Variants in XKR9 observed in about 807,000 individuals in gnomAD.
XKR9 encodes XK-related protein 9.
A neutral mutation model predicts 32.0 loss-of-function variants in XKR9; 32 were observed. The observed-to-expected ratio is 1.00, with a 90% CI of 0.76 to 1.34. The LOEUF (loss-of-function observed/expected upper bound fraction) is 1.34. Ranked by LOEUF, XKR9 falls within the 40% of genes most tolerant of loss-of-function variation. The pLI, the probability that XKR9 is intolerant of heterozygous loss-of-function variation, is 0.00. For synonymous variants in XKR9, 168 were observed against 143.4 expected, an observed-to-expected ratio of 1.17 and a Z score of -1.22; for missense variants, 546 against 429.7, an observed-to-expected ratio of 1.27 and a Z score of -2.39.
At chr8:70,825,435 C>A in the XKR9 span, among the ~76,000 whole-genome samples, 3 of 152,058 alleles carry the variant, frequency 2.0e-5, no homozygotes, top group Non-Finnish European at 2.9e-5. Flanking sequence ...ACATACAGTT[C>A]TCTGACAGAA....
Position 70,697,388 on chromosome 8 carries a change from C to G in XKR9, c.273-9545C>G, listed in dbSNP as rs1444909571. On this transcript the variant is annotated intron_variant, in intron 3 of 4. Transcript: ENST00000408926. ...TACCTAATTTATTGAGAGTTTTTAG[C>G]ATGAAGCGTTGTTGAATTTTGTCAA... 4.9e-4 allele frequency among the ~76,000 whole-genome samples: 73 copies of G among 150,474 alleles called. No individual in the cohort carries two copies. In the South Asian group the frequency reaches 0.015, roughly 32 times the overall value.
chr8:70,702,440 A>G (rs1173027286), intron 3 of XKR9, among the ~76,000 whole-genome samples: 1 of 152,144 alleles, frequency 6.6e-6, no homozygotes, highest in Non-Finnish European at 1.5e-5. Context: ...CAGTTAGGTC[A>G]ATTAGGCAGA....
the XKR9 span, among the ~76,000 whole-genome samples, chr8:70,854,769 T>G: frequency 6.6e-6 from 1 of 152,238 alleles, no homozygotes; most frequent in East Asian, 1.9e-4. Flanking sequence ...GCACCATTTA[T>G]TAAATAGGAA....
At chr8:70,904,598 T>C in the XKR9 span, among the ~76,000 whole-genome samples, 3 of 152,232 alleles carry the variant, frequency 2.0e-5, no homozygotes, top group Admixed American at 6.5e-5. Flanking sequence ...TGTTTTTTAA[T>C]TGGAGCATTT....
the XKR9 span, among the ~76,000 whole-genome samples, chr8:70,948,583 C>G: frequency 2.0e-5 from 3 of 152,146 alleles, no homozygotes; most frequent in African/African-American, 7.2e-5. Context: ...GTCATTCTCT[C>G]TGGTCTATAC....
the XKR9 span, among the ~76,000 whole-genome samples, chr8:70,919,697 T>C: frequency 6.6e-6 from 1 of 152,194 alleles, no homozygotes; most frequent in East Asian, 1.9e-4. Context: ...TATGATTCTT[T>C]GATGACTGGC....
chr8:70,795,586 T>C, the XKR9 span, among the ~76,000 whole-genome samples: 1 of 152,208 alleles, frequency 6.6e-6, no homozygotes, highest in Non-Finnish European at 1.5e-5. Flanking sequence ...TGAACTAATT[T>C]ATACTCCCAC....
chr8:70,978,976 T>G, the XKR9 span, among the ~76,000 whole-genome samples: 1 of 152,222 alleles, frequency 6.6e-6, no homozygotes, highest in Non-Finnish European at 1.5e-5. Flanking sequence ...TCACTTCATT[T>G]CATTAATTTG....
chr8:70,772,353 T>C (rs532133110), intron 2 of XKR9, among the ~76,000 whole-genome samples: 1 of 152,324 alleles, frequency 6.6e-6, no homozygotes, highest in African/African-American at 2.4e-5. Flanking sequence ...TTTAGTGATA[T>C]ATGTTTGGGA....
intron 3 of XKR9, among the ~76,000 whole-genome samples, chr8:70,688,751 G>A (rs992665648): frequency 2.0e-5 from 3 of 151,416 alleles, no homozygotes; most frequent in Non-Finnish European, 4.4e-5. Context: ...GAAAAAAAAG[G>A]AAGCAATAGC....
At chr8:70,956,776 C>G in the XKR9 span, among the ~76,000 whole-genome samples, 1 of 152,198 alleles carries the variant, frequency 6.6e-6, no homozygotes, top group South Asian at 2.1e-4. Context: ...TTGGCCATAA[C>G]TTTGCTCCAC....
chr8:70,922,995 C>T, the XKR9 span, among the ~76,000 whole-genome samples: 1 of 152,220 alleles, frequency 6.6e-6, no homozygotes, highest in Non-Finnish European at 1.5e-5. Context: ...TTGCTGACAG[C>T]TGGTTCAATT....
downstream of XKR9, among the ~76,000 whole-genome samples, chr8:70,792,727 C>T (rs565850431): frequency 1.3e-5 from 2 of 152,026 alleles, no homozygotes; most frequent in African/African-American, 4.8e-5. Flanking sequence ...AGGGAATGGC[C>T]AACATTACCA....
At chr8:71,049,613 G>A in the XKR9 span, among the ~76,000 whole-genome samples, 13 of 152,200 alleles carry the variant, frequency 8.5e-5, no homozygotes, top group Non-Finnish European at 1.0e-4. Flanking sequence ...TCCTGCCTGT[G>A]AGAATGGGGG....
chr8:70,844,657 G>A, the XKR9 span, among the ~76,000 whole-genome samples: 1 of 152,180 alleles, frequency 6.6e-6, no homozygotes, highest in Non-Finnish European at 1.5e-5. Context: ...TGGGGTCTTG[G>A]GGATTGCCCC....
the XKR9 span, among the ~76,000 whole-genome samples, chr8:70,917,634 C>T: frequency 3.9e-5 from 6 of 152,274 alleles, no homozygotes; most frequent in South Asian, 6.2e-4. Context: ...AAACAATGAA[C>T]GAATGACATG....
intron 4 of XKR9, among the ~76,000 whole-genome samples, chr8:70,732,928 G>A (rs1176026037): frequency 1.3e-5 from 2 of 152,168 alleles, no homozygotes; most frequent in Admixed American, 6.5e-5. Context: ...GACCAGCCTC[G>A]CCAACATGGT....
chr8:70,903,052 T>G, the XKR9 span, among the ~76,000 whole-genome samples: 1 of 152,302 alleles, frequency 6.6e-6, no homozygotes, highest in East Asian at 1.9e-4. Flanking sequence ...CAGTATTTTA[T>G]GAAGATTTTT....
the XKR9 span, among the ~76,000 whole-genome samples, chr8:70,807,577 A>C: frequency 2.6e-5 from 4 of 152,196 alleles, no homozygotes; most frequent in Non-Finnish European, 5.9e-5. Flanking sequence ...ATATTTACCA[A>C]GCAAATGGAA....
Sources: gnomAD v4.1 joint callset for allele counts (sites outside exome capture counted in the v4.1 genomes callset) on GRCh38, gnomAD v4.1.1 for gene constraint, MANE v1.5 for transcripts, NCBI Gene and HGNC (gene_info 2026-07-23, HGNC 2026-07-21) for gene names.